Variants in NIPAL2 observed in about 807,000 individuals in gnomAD.
NIPAL2 encodes the protein NIPA like domain containing 2, also known as NIPA-like protein 2.
A neutral mutation model predicts 48.9 loss-of-function variants in NIPAL2; 43 were observed. The observed-to-expected ratio is 0.88, with a 90% CI of 0.69 to 1.13. NIPAL2 has a LOEUF of 1.13. Ranked by LOEUF, NIPAL2 falls within the 50% of genes most tolerant of loss-of-function variation. The probability of loss-of-function intolerance (pLI) is 0.00; values close to 1 mark genes in which losing one functional copy is unlikely to be tolerated. For synonymous variants in NIPAL2, 167 were observed against 174.6 expected (o/e 0.96, Z 0.34); for missense variants, 446 against 461.4 (o/e 0.97, Z 0.31).
At position 98,220,188 on chromosome 8, in the gene NIPAL2, A is replaced by G. The variant is rs114492177; in HGVS notation, c.558+2291T>C. On this transcript the variant is annotated intron_variant, in intron 5 of 10. Coordinates refer to ENST00000430223, the MANE Select transcript of NIPAL2 (RefSeq NM_001321635.2). ...ATACATATCAGAAATGGCAGGATAT[A>G]TAGAATTCTTGTCATATACACTAGG... is the stretch of plus-strand genomic sequence containing the variant. Among the ~76,000 whole-genome samples the G allele has an allele frequency of 4.3e-3, 662 of 152,310 alleles. 1 individual carries two copies. Among genetic ancestry groups the G allele is most frequent in the African/African-American group, 0.015 (629 of 41,558 alleles).
At position 98,216,844 on chromosome 8, in the gene NIPAL2, G is replaced by T. The variant is rs1811603415; in HGVS notation, c.559-4343C>A. 2.6e-5 allele frequency among the ~76,000 whole-genome samples: 4 copies of T among 152,324 alleles called. No individual in the cohort carries two copies. The South Asian group carries it at 8.3e-4, about 32-fold the overall frequency. ...GGCTGCATTTTCTAACATGGTTTTT[G>T]CAGAACACGTTTGCTCATAGGTATT... On this transcript the variant is annotated intron_variant, in intron 5 of 10. Transcript: ENST00000430223.
chr8:98,275,191 C>G (rs1007388322), intron 1 of NIPAL2, among the ~76,000 whole-genome samples: 20 of 152,008 alleles, frequency 1.3e-4, no homozygotes, highest in African/African-American at 4.6e-4. Flanking sequence ...TGTGTAACCA[C>G]TGCCACAATC....
At chr8:98,262,346 G>C (rs1814399969) in intron 1 of NIPAL2, among the ~76,000 whole-genome samples, 1 of 148,484 alleles carries the variant, frequency 6.7e-6, no homozygotes, top group Non-Finnish European at 1.5e-5. Context: ...ATTGGATAAA[G>C]AGTCAAGACC....
At chr8:98,216,163 A>G (rs1012668163) in intron 5 of NIPAL2, among the ~76,000 whole-genome samples, 1 of 152,210 alleles carries the variant, frequency 6.6e-6, no homozygotes, top group African/African-American at 2.4e-5. Context: ...GATCCTTGGT[A>G]GTCAGTTTAT....
At position 98,192,823 on chromosome 8, in the gene NIPAL2, C is replaced by T; in HGVS notation, c.*155G>A. 2 of 619,214 alleles carry T rather than the reference C, an allele frequency of 3.2e-6. No homozygotes were observed. Among genetic ancestry groups the T allele is most frequent in the East Asian group, 2.7e-5 (1 of 36,576 alleles). The allele number at this position is 619,214 out of a possible 1,614,324, so 38.4% of individuals were successfully genotyped here. On this transcript the variant is annotated 3_prime_UTR_variant, in exon 11 of 11. Transcript: ENST00000430223. ...ATTAGACTGTCAGAGCTTAGGAAGT[C>T]CCCGATTGTCCATAGACGCTGAGGT...
chr8:98,204,413 A>G (rs1285760640), intron 7 of NIPAL2, among the ~76,000 whole-genome samples: 4 of 152,154 alleles, frequency 2.6e-5, no homozygotes, highest in Non-Finnish European at 4.4e-5. Flanking sequence ...GCTTTTGCAT[A>G]GCATTTTGGG....
At chr8:98,270,566 G>T (rs1313911801) in intron 1 of NIPAL2, among the ~76,000 whole-genome samples, 1 of 152,082 alleles carries the variant, frequency 6.6e-6, no homozygotes, top group Admixed American at 6.6e-5. Flanking sequence ...GTTCCTTATA[G>T]ATTTTGGATA....
At chr8:98,241,992 T>C (rs886314305) in intron 3 of NIPAL2, among the ~76,000 whole-genome samples, 27 of 151,978 alleles carry the variant, frequency 1.8e-4, no homozygotes, top group African/African-American at 6.0e-4. Context: ...ATTAAAAAAA[T>C]AAAAGGTGAA....
chr8:98,226,782 G>A (rs771977887), intron 4 of NIPAL2, among the ~76,000 whole-genome samples: 7 of 152,118 alleles, frequency 4.6e-5, no homozygotes, highest in African/African-American at 1.7e-4. Flanking sequence ...GCCTATGTTC[G>A]CTCAAGGCCC....
At chr8:98,197,154 T>G (rs537909395) in intron 8 of NIPAL2, among the ~76,000 whole-genome samples, 17 of 152,018 alleles carry the variant, frequency 1.1e-4, no homozygotes, top group African/African-American at 4.1e-4. Context: ...CTTGGAGATA[T>G]GTGGGTTTGG....
chr8:98,285,114 A>G (rs1232697411), intron 1 of NIPAL2, among the ~76,000 whole-genome samples: 1 of 152,218 alleles, frequency 6.6e-6, no homozygotes, highest in Non-Finnish European at 1.5e-5. Flanking sequence ...AGGTCCCACC[A>G]ACAAAGACAA....
intron 1 of NIPAL2, among the ~76,000 whole-genome samples, chr8:98,260,188 C>T (rs1376714256): frequency 6.6e-6 from 1 of 152,150 alleles, no homozygotes; most frequent in Non-Finnish European, 1.5e-5. Context: ...GGAGACCTGT[C>T]CCTGACAGGT....
intron 1 of NIPAL2, among the ~76,000 whole-genome samples, chr8:98,277,635 G>A (rs12674900): frequency 0.16 from 24,129 of 152,120 alleles, 2,546 homozygotes; most frequent in Admixed American, 0.26. Flanking sequence ...GTCCATGGCA[G>A]CCATCAATTT....
chr8:98,277,971 C>CTT (rs1804737088), intron 1 of NIPAL2, among the ~76,000 whole-genome samples: 1 of 152,094 alleles, frequency 6.6e-6, no homozygotes, highest in African/African-American at 2.4e-5. Context: ...CTGAAGAAAA[C>CTT]TTTAGTAGCT....
chr8:98,213,381 G>T (rs1420276591), intron 5 of NIPAL2, among the ~76,000 whole-genome samples: 1 of 152,040 alleles, frequency 6.6e-6, no homozygotes, highest in Admixed American at 6.5e-5. Context: ...TTTTCACCAT[G>T]TATTATATTT....
intron 1 of NIPAL2, among the ~76,000 whole-genome samples, chr8:98,279,281 T>C (rs1015499433): frequency 6.6e-6 from 1 of 152,234 alleles, no homozygotes; most frequent in Non-Finnish European, 1.5e-5. Context: ...CATTACTAAA[T>C]ACTGCTTCCA....
At position 98,219,510 on chromosome 8, in the gene NIPAL2, C is replaced by T. The variant is rs1425992659; in HGVS notation, c.558+2969G>A. Reference sequence around the variant, plus strand: ...CAGGGAGTAAATGCTGCATAAGGTTCAAGAAGAATCAGGACCAAAAAAAGC... The same window carrying T: ...CAGGGAGTAAATGCTGCATAAGGTTTAAGAAGAATCAGGACCAAAAAAAGC... On this transcript the variant is annotated intron_variant, in intron 5 of 10. Transcript: ENST00000430223. Among the ~76,000 whole-genome samples, 3 of 152,100 alleles carry T rather than the reference C, an allele frequency of 2.0e-5. No homozygotes were observed. The East Asian group carries it at 5.8e-4, about 29-fold the overall frequency.
intron 1 of NIPAL2, among the ~76,000 whole-genome samples, chr8:98,259,170 G>A (rs540760272): frequency 7.6e-4 from 103 of 136,276 alleles, no homozygotes; most frequent in African/African-American, 2.5e-3. Context: ...TCCGCCTCCC[G>A]GGTTCACGCC....
At chr8:98,289,969 G>A (rs988548736) in intron 1 of NIPAL2, among the ~76,000 whole-genome samples, 3 of 152,188 alleles carry the variant, frequency 2.0e-5, no homozygotes, top group African/African-American at 7.2e-5. Flanking sequence ...CAAGACAGAA[G>A]CCTTAATCAT....
Sources: gnomAD v4.1 joint callset for allele counts (sites outside exome capture counted in the v4.1 genomes callset) on GRCh38, gnomAD v4.1.1 for gene constraint, MANE v1.5 for transcripts, NCBI Gene and HGNC (gene_info 2026-07-23, HGNC 2026-07-21) for gene names.